GOLGB1: variants seen among roughly 807,000 people sequenced by gnomAD.
GOLGB1 encodes golgin subfamily B member 1.
A neutral mutation model predicts 336.9 loss-of-function variants in GOLGB1; 174 were observed. The ratio of observed to expected loss-of-function variants is 0.52; its 90% CI spans 0.46 to 0.59. The LOEUF (loss-of-function observed/expected upper bound fraction) is 0.59. Among genes scored for constraint, GOLGB1 ranks in the 20% least tolerant of loss-of-function variants. GOLGB1 has a pLI of 0.00. For missense variants in GOLGB1, 3,331 were observed against 3,645.3 expected (o/e 0.91, Z 2.22); for synonymous variants, 1,208 against 1,289.2 (o/e 0.94, Z 1.35).
At position 121,718,958 on chromosome 3, in the gene GOLGB1, T is replaced by C. The variant is rs1282478647; in HGVS notation, c.772-457A>G. ...AATAAATAAAGCAATGATACACATA[T>C]ACAATTAGTATTCTACTTAATAATA... On this transcript the variant is annotated intron_variant, in intron 7 of 21. Transcript: ENST00000614479. 2.0e-5 allele frequency among the ~76,000 whole-genome samples: 3 copies of C among 152,326 alleles called. No homozygotes were observed. The East Asian group carries it at 5.8e-4, about 29-fold the overall frequency.
intron 17 of GOLGB1, among the ~76,000 whole-genome samples, chr3:121,669,835 C>T (rs1939233963): frequency 6.6e-6 from 1 of 152,038 alleles, no homozygotes; most frequent in African/African-American, 2.4e-5. Context: ...TTATAAGTTA[C>T]TGAGAGAATA....
Position 121,685,812 on chromosome 3 carries a change from T to G in GOLGB1, c.8695-3947A>C, listed in dbSNP as rs182755691. ...ACTCTTAGCTTTTCCCACCAAACAT[T>G]GTAGAATTTAGTGACTAATTAAATA... On this transcript the variant is annotated intron_variant, in intron 14 of 21. Transcript: ENST00000614479. Among the ~76,000 whole-genome samples the G allele has an allele frequency of 2.6e-5, 4 of 152,248 alleles. No individual in the cohort carries two copies. The East Asian group carries it at 7.7e-4, about 29-fold the overall frequency.
At chr3:121,709,835 C>G (rs1158844497) in intron 10 of GOLGB1, among the ~76,000 whole-genome samples, 1 of 151,762 alleles carries the variant, frequency 6.6e-6, no homozygotes, top group African/African-American at 2.4e-5. Flanking sequence ...TGAAAATAAT[C>G]AGCAACAGAG....
chr3:121,700,504 GAAGAT>G (rs1943306550), intron 11 of GOLGB1, among the ~76,000 whole-genome samples: 1 of 151,928 alleles, frequency 6.6e-6, no homozygotes, highest in Admixed American at 6.6e-5. Flanking sequence ...TTCTTTCTGA[GAAGAT>G]AACACAGATA....
chr3:121,693,906 C>T lies in GOLGB1; in HGVS notation c.6617G>A (p.Arg2206His), dbSNP rs745980454. 21 of 1,613,876 alleles carry T rather than the reference C, an allele frequency of 1.3e-5. 1 individual carries two copies. The Admixed American group carries it at 2.5e-4, about 19-fold the overall frequency. The part of the protein sequence containing the change: ...TKSMSSLQDD[R>H]DRVIDEAKKW... The stretch of plus-strand genomic sequence containing the variant: ...CTTAGCTTCATCTATCACCCTGTCA[C>T]GATCATCCTGGAGGGAAGACATGCT... Residue 2206 changes from arginine to histidine, a missense_variant, in exon 13 of 22, where the codon CGT (arginine) becomes CAT (histidine). Transcript: ENST00000614479.
At chr3:121,667,643 C>T (rs1938826717) in intron 19 of GOLGB1, 33 bp from the exon 20 acceptor site, 1 of 1,605,716 alleles carries the variant, frequency 6.2e-7, no homozygotes, top group Non-Finnish European at 8.5e-7. Context: ...AAAGCATCAT[C>T]AGATGCAGAA....
chr3:121,674,976 C>T (rs1168424698), intron 17 of GOLGB1, among the ~76,000 whole-genome samples: 3 of 151,796 alleles, frequency 2.0e-5, no homozygotes, highest in East Asian at 1.9e-4. Context: ...GCTGGGACTA[C>T]AGGCGCCCGC....
intron 17 of GOLGB1, among the ~76,000 whole-genome samples, chr3:121,670,031 A>C (rs1939262025): frequency 6.6e-6 from 1 of 152,206 alleles, no homozygotes; most frequent in South Asian, 2.1e-4. Flanking sequence ...GAACATGTTC[A>C]GTGTCAGGGC....
rs924505660 is a variant in GOLGB1, at chr3:121,715,940, C to T, written c.1288+797G>A. On this transcript the variant is annotated intron_variant, in intron 9 of 21. Coordinates refer to ENST00000614479, the MANE Select transcript of GOLGB1 (RefSeq NM_001366282.2). ...CCAGGAGGCAGAGGTTGCAGTGAGC[C>T]GAGATCATGCCATTGCACTCCATCC... Among the ~76,000 whole-genome samples, 7 of 151,150 alleles carry T rather than the reference C, an allele frequency of 4.6e-5. No individual in the cohort carries two copies. The South Asian group carries it at 8.3e-4, about 18-fold the overall frequency.
chr3:121,695,147 T>C lies in GOLGB1; in HGVS notation c.5376A>G (p.Glu1792=), dbSNP rs766372932. ...EKHDNQTNVT[E]EGTQSIPGET... ...CACCTGGTATAGACTGTGTTCCCTC[T>C]TCAGTGACATTCGTTTGGTTATCAT... Residue 1792 remains glutamate (E), a synonymous_variant, in exon 13 of 22, where the codon GAA becomes GAG. Transcript: ENST00000614479. 3 of 1,613,978 alleles carry C rather than the reference T, an allele frequency of 1.9e-6. No homozygotes were observed. Among genetic ancestry groups the C allele is most frequent in the Non-Finnish European group, 2.5e-6 (3 of 1,179,958 alleles).
rs375820220 is a variant in GOLGB1 at position 121,743,506 on chromosome 3, T to C, written c.-3+6126A>G. 1.5e-4 allele frequency among the ~76,000 whole-genome samples: 23 copies of C among 152,270 alleles called. No individual in the cohort carries two copies. In the East Asian group the frequency reaches 3.1e-3, roughly 20 times the overall value. The stretch of plus-strand genomic sequence containing the variant: ...AAGGGATAGCATTAGGAGAAATACC[T>C]AATGTAAATGACGAGTTGATGGGTG... On this transcript the variant is annotated intron_variant, in intron 1 of 21. Coordinates refer to ENST00000614479, the MANE Select transcript of GOLGB1 (RefSeq NM_001366282.2).
intron 17 of GOLGB1, among the ~76,000 whole-genome samples, chr3:121,673,617 T>C (rs1405557249): frequency 6.6e-6 from 1 of 152,200 alleles, no homozygotes; most frequent in Non-Finnish European, 1.5e-5. Flanking sequence ...GTTTTATAAA[T>C]CTTTCATTTC....
intron 17 of GOLGB1, 133 bp from the exon 18 acceptor site, chr3:121,669,488 T>C (rs922559762): frequency 9.6e-6 from 6 of 626,698 alleles, no homozygotes; most frequent in African/African-American, 2.1e-5. Context: ...TAGCACTTTG[T>C]GTGCCTTCAA....
chr3:121,688,467 C>T (rs1030963158), intron 14 of GOLGB1, among the ~76,000 whole-genome samples: 2 of 152,266 alleles, frequency 1.3e-5, no homozygotes, highest in Non-Finnish European at 2.9e-5. Flanking sequence ...GGATTGCAGA[C>T]GGAGTCTGGT....
intron 14 of GOLGB1, among the ~76,000 whole-genome samples, chr3:121,685,611 C>A (rs1054998769): frequency 1.3e-5 from 2 of 151,674 alleles, no homozygotes; most frequent in African/African-American, 4.8e-5. Context: ...ACTGTGAAAG[C>A]AGGGAGAGTA....
In GOLGB1 at chr3:121,697,339, C is replaced by T; in HGVS notation, c.3184G>A (p.Glu1062Lys). ...GTCTGTTTTAAATAAATTTCTATTT[C>T]TTGGCACTTAGAAGTCACACATTTT... The part of the protein sequence containing the change: ...SEKCVTSKCQ[E>K]IEIYLKQTIS... Residue 1062 changes from glutamate to lysine, a missense_variant, in exon 13 of 22, where the codon GAA becomes AAA. Glu to Lys is a moderately conservative substitution (Grantham distance 56). Coordinates refer to ENST00000614479, the MANE Select transcript of GOLGB1 (RefSeq NM_001366282.2). 1 of 1,613,622 alleles carries T rather than the reference C, an allele frequency of 6.2e-7. No individual in the cohort carries two copies. The highest frequency in any genetic ancestry group is 8.5e-7 in the Non-Finnish European group (1 of 1,179,810).
intron 1 of GOLGB1, among the ~76,000 whole-genome samples, chr3:121,731,618 C>A (rs933617024): frequency 6.6e-6 from 1 of 151,918 alleles, no homozygotes; most frequent in African/African-American, 2.4e-5. Context: ...TTTTATGTGC[C>A]CCATGAACCC....
At chr3:121,708,626 C>T (rs1433627460) in intron 10 of GOLGB1, among the ~76,000 whole-genome samples, 1 of 152,082 alleles carries the variant, frequency 6.6e-6, no homozygotes, top group African/African-American at 2.4e-5. Context: ...GAACAAGACC[C>T]TGTTTCAAAA....
intron 17 of GOLGB1, among the ~76,000 whole-genome samples, chr3:121,674,980 C>T (rs868020007): frequency 9.2e-5 from 14 of 151,586 alleles, no homozygotes; most frequent in African/African-American, 2.4e-4. Context: ...GGACTACAGG[C>T]GCCCGCCACC....
Sources: gnomAD v4.1 joint callset for allele counts (sites outside exome capture counted in the v4.1 genomes callset) on GRCh38, gnomAD v4.1.1 for gene constraint, MANE v1.5 for transcripts, NCBI Gene and HGNC (gene_info 2026-07-23, HGNC 2026-07-21) for gene names.